Variants in CACNA2D3 observed in about 807,000 individuals in gnomAD.
The protein encoded by CACNA2D3 is calcium voltage-gated channel auxiliary subunit alpha2delta 3.
In CACNA2D3, 60 loss-of-function variants were observed where a neutral mutation model predicts 160.6. The ratio of observed to expected loss-of-function variants is 0.37; its 90% CI spans 0.30 to 0.46. The LOEUF (loss-of-function observed/expected upper bound fraction) is 0.46. Ranked by LOEUF, CACNA2D3 falls within the 20% of genes least tolerant of loss-of-function variation. CACNA2D3 has a pLI of 1.00. For synonymous variants in CACNA2D3, 558 were observed against 492.9 expected, an observed-to-expected ratio of 1.13 and a Z score of -1.75; for missense variants, 1,205 against 1,365.0, an observed-to-expected ratio of 0.88 and a Z score of 1.85.
intron 10 of CACNA2D3, among the ~76,000 whole-genome samples, chr3:54,637,089 G>T (rs1220152303): frequency 1.3e-5 from 2 of 151,986 alleles, no homozygotes; most frequent in African/African-American, 2.4e-5. Context: ...CACAGATCCT[G>T]AACTAACTTG....
At chr3:54,192,889 G>A (rs1475427806) in intron 2 of CACNA2D3, among the ~76,000 whole-genome samples, 1 of 152,192 alleles carries the variant, frequency 6.6e-6, no homozygotes, top group Non-Finnish European at 1.5e-5. Flanking sequence ...ATCAGATCAT[G>A]TAGGAGACCC....
At chr3:54,692,891 G>C (rs1363221621) in intron 11 of CACNA2D3, among the ~76,000 whole-genome samples, 1 of 152,124 alleles carries the variant, frequency 6.6e-6, no homozygotes, top group Non-Finnish European at 1.5e-5. Context: ...AATTTACCCA[G>C]CAAGTGCCTG....
At chr3:54,477,134 G>T (rs887442240) in intron 4 of CACNA2D3, among the ~76,000 whole-genome samples, 1 of 152,166 alleles carries the variant, frequency 6.6e-6, no homozygotes, top group Non-Finnish European at 1.5e-5. Flanking sequence ...ACTTGGGCTT[G>T]TGGGAATGAT....
At chr3:55,032,291 G>T (rs1703703821) in intron 35 of CACNA2D3, among the ~76,000 whole-genome samples, 1 of 152,138 alleles carries the variant, frequency 6.6e-6, no homozygotes, top group South Asian at 2.1e-4. Context: ...CTAGTCATCT[G>T]TGTAGCCACA....
chr3:54,820,913 G>A (rs1299573745), intron 14 of CACNA2D3, among the ~76,000 whole-genome samples: 1 of 152,104 alleles, frequency 6.6e-6, no homozygotes, highest in African/African-American at 2.4e-5. Flanking sequence ...CGTAGATTCT[G>A]TCTATAGGAG....
rs541051184 is a variant in CACNA2D3 at position 54,932,828 on chromosome 3, G to A, written c.2449+32960G>A. Among the ~76,000 whole-genome samples the A allele has an allele frequency of 6.6e-5, 10 of 152,338 alleles. No individual in the cohort carries two copies. In the South Asian group the frequency reaches 1.7e-3, roughly 25 times the overall value. On this transcript the variant is annotated intron_variant, in intron 27 of 37. Coordinates refer to ENST00000474759, the MANE Select transcript of CACNA2D3 (RefSeq NM_018398.3). ...ATCTAATGCCAGGGAAGGCAGCCAGGCCTAGTGACAGCTGCAGCCAGGAAT... is the reference window on the plus strand; with the variant it reads ...ATCTAATGCCAGGGAAGGCAGCCAGACCTAGTGACAGCTGCAGCCAGGAAT...
chr3:54,886,516 G>C (rs1397594731), intron 23 of CACNA2D3, among the ~76,000 whole-genome samples: 1 of 150,628 alleles, frequency 6.6e-6, no homozygotes, highest in Non-Finnish European at 1.5e-5. Context: ...TACTCCAGGT[G>C]CTTTTTAAGG....
chr3:54,405,207 G>A (rs1445928062), intron 4 of CACNA2D3, among the ~76,000 whole-genome samples: 2 of 140,396 alleles, frequency 1.4e-5, no homozygotes, highest in African/African-American at 2.6e-5. Flanking sequence ...TCACATAAAT[G>A]TAAAAACCCT....
chr3:54,929,697 G>A (rs1419624159), intron 27 of CACNA2D3, among the ~76,000 whole-genome samples: 1 of 152,162 alleles, frequency 6.6e-6, no homozygotes, highest in Non-Finnish European at 1.5e-5. Flanking sequence ...AGCAAGTCAG[G>A]TGATGAAGAG....
At chr3:54,496,393 C>T (rs1015273467) in intron 4 of CACNA2D3, among the ~76,000 whole-genome samples, 1 of 152,094 alleles carries the variant, frequency 6.6e-6, no homozygotes, top group Non-Finnish European at 1.5e-5. Context: ...TTTGTACTTT[C>T]CTGATGACTA....
chr3:54,437,203 G>C (rs561309553), intron 4 of CACNA2D3, among the ~76,000 whole-genome samples: 1 of 152,244 alleles, frequency 6.6e-6, no homozygotes, highest in African/African-American at 2.4e-5. Flanking sequence ...TCTGCAATTT[G>C]CTTTTTTATT....
intron 17 of CACNA2D3, among the ~76,000 whole-genome samples, chr3:54,859,295 C>T (rs538631908): frequency 8.5e-5 from 13 of 152,326 alleles, no homozygotes; most frequent in Admixed American, 4.6e-4. Context: ...CACCACTGCA[C>T]TGAGCATTGT....
chr3:54,487,374 G>A (rs1031164973), intron 4 of CACNA2D3, among the ~76,000 whole-genome samples: 1 of 151,962 alleles, frequency 6.6e-6, no homozygotes, highest in African/African-American at 2.4e-5. Context: ...TATCAAAGGG[G>A]GAAAAAAACC....
intron 31 of CACNA2D3, among the ~76,000 whole-genome samples, chr3:55,004,232 G>A (rs1275548934): frequency 6.6e-6 from 1 of 152,198 alleles, no homozygotes; most frequent in East Asian, 1.9e-4. Flanking sequence ...ACAATAAGGA[G>A]TAGGGATTAC....
chr3:54,998,283 G>A (rs538166303), intron 31 of CACNA2D3, among the ~76,000 whole-genome samples: 35 of 151,752 alleles, frequency 2.3e-4, no homozygotes, highest in Admixed American at 6.6e-4. Flanking sequence ...CTACAGGTGC[G>A]TGCCACCACG....
intron 18 of CACNA2D3, among the ~76,000 whole-genome samples, chr3:54,877,467 T>C (rs1368658468): frequency 6.6e-6 from 1 of 152,168 alleles, no homozygotes; most frequent in Non-Finnish European, 1.5e-5. Flanking sequence ...TCACTACAAC[T>C]TAATGGGATG....
intron 11 of CACNA2D3, among the ~76,000 whole-genome samples, chr3:54,674,528 G>A (rs1700207473): frequency 6.6e-6 from 1 of 152,298 alleles, no homozygotes; most frequent in African/African-American, 2.4e-5. Flanking sequence ...AGTGGGACTG[G>A]CCAACAGGGT....
chr3:54,134,336 C>T (rs1017978151), intron 2 of CACNA2D3, among the ~76,000 whole-genome samples: 3 of 152,214 alleles, frequency 2.0e-5, no homozygotes, highest in East Asian at 1.9e-4. Flanking sequence ...TTCCCCAGGG[C>T]GTGCTTGCTC....
At chr3:54,651,506 G>A (rs1699763520) in intron 11 of CACNA2D3, among the ~76,000 whole-genome samples, 1 of 152,036 alleles carries the variant, frequency 6.6e-6, no homozygotes, top group African/African-American at 2.4e-5. Flanking sequence ...TTGGTAGCCT[G>A]GTGAGGACTG....
Sources: allele counts gnomAD v4.1 joint callset (sites outside exome capture counted in the v4.1 genomes callset), GRCh38; gene constraint gnomAD v4.1.1; transcripts MANE v1.5; gene names NCBI Gene and HGNC (gene_info 2026-07-23, HGNC 2026-07-21).